IL1RAPL1: variants seen among roughly 807,000 people sequenced by gnomAD.
The protein encoded by IL1RAPL1 is interleukin-1 receptor accessory protein-like 1.
A neutral mutation model predicts 48.4 loss-of-function variants in IL1RAPL1; 3 were observed. The ratio of observed to expected loss-of-function variants is 0.06; its 90% CI spans 0.03 to 0.16. The LOEUF is 0.16. Ranked by LOEUF, IL1RAPL1 falls within the 10% of genes least tolerant of loss-of-function variation. The pLI is 1.00. For synonymous variants in IL1RAPL1, 185 were observed against 187.7 expected (o/e 0.99, Z 0.12); for missense variants, 349 against 530.6 (o/e 0.66, Z 3.36).
At chrX:29,898,058 G>GAGAT (rs2147224648) in intron 6 of IL1RAPL1, among the ~76,000 whole-genome samples, 1 of 112,004 alleles carries the variant, frequency 8.9e-6, no homozygotes, top group African/African-American at 3.2e-5. Flanking sequence ...AGAAGTAACT[G>GAGAT]AGATATGTCA....
In IL1RAPL1 at chrX:29,169,658, C is replaced by G. The variant is rs1486493449; in HGVS notation, c.83-113280C>G. Among the ~76,000 whole-genome samples the G allele has an allele frequency of 2.7e-5, 3 of 110,413 alleles. No homozygotes were observed. The South Asian group carries it at 1.1e-3, about 42-fold the overall frequency. On this transcript the variant is annotated intron_variant, in intron 2 of 10. Transcript: ENST00000378993. The stretch of plus-strand genomic sequence containing the variant: ...TTTCTTAAAGAGTATTCATCGTTGC[C>G]TCCCCTTAACTTTTAATGAAAATAA...
chrX:29,526,524 G>A (rs192075397), intron 5 of IL1RAPL1, among the ~76,000 whole-genome samples: 1 of 111,675 alleles, frequency 9.0e-6, no homozygotes, highest in Non-Finnish European at 1.9e-5. Flanking sequence ...AGAATAAATG[G>A]CAAATGTAGC....
intron 2 of IL1RAPL1, among the ~76,000 whole-genome samples, chrX:28,816,284 G>A (rs914227030): frequency 9.1e-6 from 1 of 109,759 alleles, no homozygotes; most frequent in African/African-American, 3.3e-5. Context: ...CACGTTTGAA[G>A]GTTTGTTATA....
At chrX:29,110,229 T>C (rs1423071133) in intron 2 of IL1RAPL1, among the ~76,000 whole-genome samples, 1 of 112,230 alleles carries the variant, frequency 8.9e-6, no homozygotes, top group East Asian at 2.8e-4. Flanking sequence ...CTTTCTAAAA[T>C]GAGGTTAAAG....
chrX:29,456,323 G>T (rs987496513), intron 5 of IL1RAPL1, among the ~76,000 whole-genome samples: 1 of 111,636 alleles, frequency 9.0e-6, no homozygotes, highest in African/African-American at 3.3e-5. Flanking sequence ...GTTTTCTGGG[G>T]TGGGAGTACA....
intron 3 of IL1RAPL1, among the ~76,000 whole-genome samples, chrX:29,350,191 T>TTATATATGTATATATA (rs1203248525): frequency 2.5e-5 from 1 of 39,424 alleles, no homozygotes; most frequent in African/African-American, 1.7e-4. Context: ...TACTGTTATT[T>TTATATATGTATATATA]TATATATATA....
At chrX:29,868,558 G>T (rs1931741998) in intron 6 of IL1RAPL1, among the ~76,000 whole-genome samples, 1 of 111,724 alleles carries the variant, frequency 9.0e-6, no homozygotes, top group African/African-American at 3.3e-5. Context: ...GCACTCATTT[G>T]GTGTTAGTTG....
intron 2 of IL1RAPL1, among the ~76,000 whole-genome samples, chrX:29,027,153 T>C (rs1926503254): frequency 8.9e-6 from 1 of 112,011 alleles, no homozygotes; most frequent in South Asian, 3.7e-4. Flanking sequence ...TCATACAGAA[T>C]AGTTTCACTC....
chrX:29,021,085 G>A (rs184285141), intron 2 of IL1RAPL1, among the ~76,000 whole-genome samples: 343 of 109,166 alleles, frequency 3.1e-3, no homozygotes, highest in Non-Finnish European at 3.2e-3. Flanking sequence ...TTAGCTGGGC[G>A]TGGTGGCACA....
intron 2 of IL1RAPL1, among the ~76,000 whole-genome samples, chrX:29,062,730 T>G (rs1569229101): frequency 2.7e-5 from 3 of 112,134 alleles, no homozygotes; most frequent in Admixed American, 9.5e-5. Context: ...TGTCTTAGTT[T>G]ATTAAGCTTC....
intron 2 of IL1RAPL1, among the ~76,000 whole-genome samples, chrX:29,076,610 T>A (rs1423933832): frequency 8.9e-6 from 1 of 111,760 alleles, no homozygotes; most frequent in Non-Finnish European, 1.9e-5. Context: ...GTCTTTCGAT[T>A]CATTCCATTC....
chrX:29,172,459 A>C (rs1929927622), intron 2 of IL1RAPL1, among the ~76,000 whole-genome samples: 1 of 111,490 alleles, frequency 9.0e-6, no homozygotes, highest in Non-Finnish European at 1.9e-5. Context: ...TTACAACGTA[A>C]TGTTTTGGGT....
intron 2 of IL1RAPL1, among the ~76,000 whole-genome samples, chrX:28,874,027 T>G (rs1355486838): frequency 2.8e-5 from 3 of 106,924 alleles, no homozygotes; most frequent in African/African-American, 1.0e-4. Flanking sequence ...GAAAAAGAAG[T>G]CATATAGTTT....
chrX:28,739,998 G>T (rs1477888070), intron 1 of IL1RAPL1, among the ~76,000 whole-genome samples: 7 of 110,021 alleles, frequency 6.4e-5, no homozygotes, highest in African/African-American at 2.3e-4. Flanking sequence ...AATTCCCAGT[G>T]CTCATTATAG....
At chrX:28,935,644 G>A (rs1277389849) in intron 2 of IL1RAPL1, among the ~76,000 whole-genome samples, 1 of 111,787 alleles carries the variant, frequency 8.9e-6, no homozygotes, top group East Asian at 2.8e-4. Flanking sequence ...ATTGGCTCTT[G>A]TATGATGTGA....
chrX:28,827,517 A>G (rs760384394), intron 2 of IL1RAPL1, among the ~76,000 whole-genome samples: 2 of 111,806 alleles, frequency 1.8e-5, no homozygotes, highest in Admixed American at 9.5e-5. Flanking sequence ...TTTAATTCAT[A>G]AAAAGAACCC....
intron 1 of IL1RAPL1, among the ~76,000 whole-genome samples, chrX:28,654,092 G>A (rs1314565629): frequency 9.1e-6 from 1 of 110,248 alleles, no homozygotes; most frequent in African/African-American, 3.3e-5. Flanking sequence ...GGCTAAGGCA[G>A]GAGTGAATAG....
chrX:28,717,232 G>A (rs1267451433), intron 1 of IL1RAPL1, among the ~76,000 whole-genome samples: 6 of 111,906 alleles, frequency 5.4e-5, no homozygotes, highest in South Asian at 7.5e-4. Context: ...CAATAGCAAA[G>A]ATATGGAATC....
intron 5 of IL1RAPL1, among the ~76,000 whole-genome samples, chrX:29,579,857 G>A (rs774660405): frequency 9.0e-6 from 1 of 111,668 alleles, no homozygotes; most frequent in African/African-American, 3.2e-5. Flanking sequence ...AAAGACAGTG[G>A]CACTGAGACA....
Sources: allele counts gnomAD v4.1 joint callset (sites outside exome capture counted in the v4.1 genomes callset), GRCh38; gene constraint gnomAD v4.1.1; transcripts MANE v1.5; gene names NCBI Gene and HGNC (gene_info 2026-07-23, HGNC 2026-07-21).